The following DIPK1A variants were observed in gnomAD, a reference collection of about 807,000 sequenced individuals.
The protein encoded by DIPK1A is divergent protein kinase domain 1A, also known as family with sequence similarity 69 member A.
DIPK1A carries 27 observed loss-of-function variants against 40.8 expected under a neutral mutation model. That is an observed-to-expected ratio of 0.66 (90% CI 0.49 to 0.91). DIPK1A has a LOEUF of 0.91. DIPK1A is among the 40% of genes least tolerant of loss of function. The pLI is 0.00. For synonymous variants in DIPK1A, 166 were observed against 171.3 expected, an observed-to-expected ratio of 0.97 and a Z score of 0.24; for missense variants, 412 against 505.7, an observed-to-expected ratio of 0.81 and a Z score of 1.78.
chr1:92,832,799 C>T (rs1686961479), exon 5 of DIPK1A: 2 of 567,162 alleles, frequency 3.5e-6, no homozygotes, highest in Admixed American at 3.2e-5. Flanking sequence ...GGGAACAGTG[C>T]TGTTTTAGTG....
At position 92,844,163 on chromosome 1, in the gene DIPK1A, T is replaced by C. The variant is rs1687497492; in HGVS notation, c.507A>G (p.Glu169=). ...CCACCGTCAAGATGAGATTAACCAGTTCAGAGAGGTTTCCTTGGTCACCCA... is the reference window on the plus strand; with the variant it reads ...CCACCGTCAAGATGAGATTAACCAGCTCAGAGAGGTTTCCTTGGTCACCCA... ...AKLGDQGNLS[E]LVNLILTVAD... The change falls in exon 5 of 5, where the codon GAA becomes GAG. Residue 169 remains glutamate, a synonymous_variant. Coordinates refer to ENST00000370310, the MANE Select transcript of DIPK1A (RefSeq NM_001006605.5). 6.5e-7 allele frequency: 1 copy of C among 1,548,712 alleles called. No individual in the cohort carries two copies. Among genetic ancestry groups the C allele is most frequent in the African/African-American group, 1.4e-5 (1 of 72,964 alleles).
intron 1 of DIPK1A, among the ~76,000 whole-genome samples, chr1:92,948,660 T>A (rs1450432210): frequency 6.8e-6 from 1 of 146,580 alleles, no homozygotes; most frequent in African/African-American, 2.5e-5. Context: ...TACGTATATA[T>A]ACATATGTGT....
chr1:92,930,600 A>T (rs1650705163), intron 1 of DIPK1A: 1 of 152,126 alleles, frequency 6.6e-6, no homozygotes, highest in African/African-American at 2.4e-5. Context: ...TCAAGGTATT[A>T]TTTACCCTCT....
intron 1 of DIPK1A, among the ~76,000 whole-genome samples, chr1:92,913,513 C>T (rs555356907): frequency 2.8e-4 from 43 of 152,234 alleles, no homozygotes; most frequent in African/African-American, 1.0e-3. Flanking sequence ...TTATTGGCTC[C>T]TTTTGTATTA....
At chr1:92,844,228 A>G in intron 4 of DIPK1A, 33 bp from the exon 5 acceptor site, 1 of 1,351,634 alleles carries the variant, frequency 7.4e-7, no homozygotes, top group Non-Finnish European at 1.0e-6. Context: ...CACAGAAGGA[A>G]TGAAAAATAC....
intron 1 of DIPK1A, among the ~76,000 whole-genome samples, chr1:92,909,423 G>A (rs980381200): frequency 6.6e-6 from 1 of 152,170 alleles, no homozygotes; most frequent in African/African-American, 2.4e-5. Flanking sequence ...CTGGTTCTCC[G>A]ATGCCTCACC....
chr1:92,906,345 A>G (rs944936839), intron 1 of DIPK1A, among the ~76,000 whole-genome samples: 3 of 152,176 alleles, frequency 2.0e-5, no homozygotes, highest in Admixed American at 6.6e-5. Context: ...GCATAGAAGC[A>G]CAAGTTGTTA....
intron 2 of DIPK1A, among the ~76,000 whole-genome samples, chr1:92,872,048 C>A (rs1647889213): frequency 7.2e-6 from 1 of 138,020 alleles, no homozygotes; most frequent in Non-Finnish European, 1.6e-5. Context: ...ATACTATTTT[C>A]CTGATTCTTT....
chr1:92,856,490 T>C (rs960004259), intron 2 of DIPK1A, among the ~76,000 whole-genome samples: 4 of 152,224 alleles, frequency 2.6e-5, no homozygotes, highest in African/African-American at 7.2e-5. Flanking sequence ...CGATCTCGGC[T>C]CACTGCAACC....
chr1:92,906,599 T>C (rs1649632441), intron 1 of DIPK1A, among the ~76,000 whole-genome samples: 1 of 152,122 alleles, frequency 6.6e-6, no homozygotes, highest in Non-Finnish European at 1.5e-5. Flanking sequence ...ATAATATGAA[T>C]ACAATGATAC....
intron 1 of DIPK1A, among the ~76,000 whole-genome samples, chr1:92,887,917 CATAA>C (rs1232331929): frequency 1.3e-5 from 2 of 151,696 alleles, no homozygotes; most frequent in African/African-American, 2.4e-5. Flanking sequence ...GCATTAAATA[CATAA>C]ATAGTTACCT....
intron 1 of DIPK1A, among the ~76,000 whole-genome samples, chr1:92,953,633 A>AG (rs1463933399): frequency 3.9e-5 from 6 of 152,248 alleles, no homozygotes; most frequent in Admixed American, 3.9e-4. Flanking sequence ...AAGTGAAATA[A>AG]GGCAGTCACA....
intron 1 of DIPK1A, among the ~76,000 whole-genome samples, chr1:92,938,436 C>T (rs1651028461): frequency 1.4e-5 from 2 of 147,312 alleles, no homozygotes; most frequent in Non-Finnish European, 3.0e-5. Context: ...CACCACTGCA[C>T]TCCAGCCTGG....
chr1:92,835,547 C>T (rs1015434775), intron 4 of DIPK1A, among the ~76,000 whole-genome samples: 10 of 149,784 alleles, frequency 6.7e-5, no homozygotes, highest in African/African-American at 2.5e-4. Context: ...GTAGTCCCAA[C>T]TACTTGGGAG....
intron 1 of DIPK1A, among the ~76,000 whole-genome samples, chr1:92,913,948 G>GCATT: frequency 6.6e-6 from 1 of 152,036 alleles, no homozygotes; most frequent in Non-Finnish European, 1.5e-5. Flanking sequence ...ATACTCTGAG[G>GCATT]CATTCATTCA....
chr1:92,894,953 G>A (rs1649092420), intron 1 of DIPK1A, among the ~76,000 whole-genome samples: 1 of 152,014 alleles, frequency 6.6e-6, no homozygotes, highest in Non-Finnish European at 1.5e-5. Flanking sequence ...GACTAAACCA[G>A]AAAGAAGTTG....
At chr1:92,856,889 G>A (rs1688004429) in intron 2 of DIPK1A, among the ~76,000 whole-genome samples, 1 of 152,170 alleles carries the variant, frequency 6.6e-6, no homozygotes, top group Non-Finnish European at 1.5e-5. Flanking sequence ...AGTGGAAAAT[G>A]GGTAAGAACG....
intron 4 of DIPK1A, among the ~76,000 whole-genome samples, chr1:92,846,811 A>AGATATATGTGTG (rs1687621417): frequency 3.1e-4 from 1 of 3,200 alleles, no homozygotes; most frequent in Non-Finnish European, 4.2e-4. Flanking sequence ...ATATATATAT[A>AGATATATGTGTG]TATATATATA....
At chr1:92,840,847 C>T (rs774050740), downstream of DIPK1A, 14 of 691,548 alleles carry the variant, frequency 2.0e-5, no homozygotes, top group South Asian at 1.6e-4. Flanking sequence ...TATCCTAGTA[C>T]AGTCTAAGTA....
Sources: allele counts gnomAD v4.1 joint callset (sites outside exome capture counted in the v4.1 genomes callset), GRCh38; gene constraint gnomAD v4.1.1; transcripts MANE v1.5; gene names NCBI Gene and HGNC (gene_info 2026-07-23, HGNC 2026-07-21).